The following CCSER1 variants were observed in gnomAD, a reference collection of about 807,000 sequenced individuals.
CCSER1 encodes the protein serine-rich coiled-coil domain-containing protein 1.
Under a neutral mutation model 82.0 loss-of-function variants are expected in CCSER1, and 41 were observed. That is an observed-to-expected ratio of 0.50 (90% CI 0.39 to 0.65). The LOEUF (loss-of-function observed/expected upper bound fraction) is 0.65, where lower values mean the gene tolerates loss of function less well. CCSER1 is among the 30% of genes least tolerant of loss of function. The probability of loss-of-function intolerance (pLI) is 0.00; values close to 1 mark genes in which losing one functional copy is unlikely to be tolerated. For missense variants in CCSER1, 1,119 were observed against 1,064.2 expected (o/e 1.05, Z -0.72); for synonymous variants, 414 against 383.9 (o/e 1.08, Z -0.92).
At position 90,346,433 on chromosome 4, in the gene CCSER1, A is replaced by G. The variant is rs1372509010; in HGVS notation, c.1509+33386A>G. Among the ~76,000 whole-genome samples the G allele has an allele frequency of 3.3e-5, 5 of 151,958 alleles. No homozygotes were observed. In the East Asian group the frequency reaches 7.7e-4, roughly 23 times the overall value. On this transcript the variant is annotated intron_variant, in intron 3 of 10. Coordinates refer to ENST00000509176, the MANE Select transcript of CCSER1 (RefSeq NM_001145065.2). The stretch of plus-strand genomic sequence containing the variant: ...CTTTATATAATTATGTGATATTTCA[A>G]TTATAGCTAGATTGTCAGTGAAAGC...
At chr4:91,165,309 A>G (rs1731918814) in intron 10 of CCSER1, among the ~76,000 whole-genome samples, 1 of 152,112 alleles carries the variant, frequency 6.6e-6, no homozygotes, top group African/African-American at 2.4e-5. Context: ...CTGCTGCCTG[A>G]TCCTTCCTCT....
At chr4:91,440,323 G>A (rs926710215) in intron 10 of CCSER1, among the ~76,000 whole-genome samples, 17 of 151,996 alleles carry the variant, frequency 1.1e-4, no homozygotes, top group African/African-American at 1.7e-4. Flanking sequence ...ACTCAAAACC[G>A]CTCAACTACA....
intron 1 of CCSER1, among the ~76,000 whole-genome samples, chr4:90,187,672 C>G (rs997081498): frequency 6.6e-6 from 1 of 151,816 alleles, no homozygotes; most frequent in African/African-American, 2.4e-5. Flanking sequence ...TAAAAAATGT[C>G]ATTTATAATA....
intron 3 of CCSER1, among the ~76,000 whole-genome samples, chr4:90,328,184 C>T (rs1738575574): frequency 6.6e-6 from 1 of 152,002 alleles, no homozygotes; most frequent in Non-Finnish European, 1.5e-5. Context: ...ATAGGCACGA[C>T]AATCACAATA....
At chr4:90,555,105 A>G (rs1777961797) in intron 5 of CCSER1, among the ~76,000 whole-genome samples, 1 of 152,142 alleles carries the variant, frequency 6.6e-6, no homozygotes, top group South Asian at 2.1e-4. Flanking sequence ...TATGTTAAAC[A>G]TAAAATTCAT....
intron 10 of CCSER1, among the ~76,000 whole-genome samples, chr4:91,439,757 G>T (rs1754974289): frequency 6.6e-6 from 1 of 151,932 alleles, no homozygotes; most frequent in African/African-American, 2.4e-5. Context: ...CAAAATAAAA[G>T]GATGGAGGAA....
At chr4:90,387,870 T>C (rs1222216982) in intron 3 of CCSER1, among the ~76,000 whole-genome samples, 1 of 152,162 alleles carries the variant, frequency 6.6e-6, no homozygotes, top group Non-Finnish European at 1.5e-5. Context: ...TAATAAACCA[T>C]AACCAAAAAC....
intron 9 of CCSER1, among the ~76,000 whole-genome samples, chr4:91,060,473 A>G (rs1743865401): frequency 1.3e-5 from 2 of 152,026 alleles, no homozygotes; most frequent in Admixed American, 1.3e-4. Context: ...CAAAACTATG[A>G]GAATAAAAAT....
intron 4 of CCSER1, among the ~76,000 whole-genome samples, chr4:90,441,828 TA>T (rs749878865): frequency 6.6e-6 from 1 of 152,250 alleles, no homozygotes; most frequent in Non-Finnish European, 1.5e-5. Context: ...TGAATGATTA[TA>T]GATGTGATAT....
rs1743160528 is a variant in CCSER1 at position 90,350,121 on chromosome 4, A to C, written c.1509+37074A>C. On this transcript the variant is annotated intron_variant, in intron 3 of 10. Coordinates refer to ENST00000509176, the MANE Select transcript of CCSER1 (RefSeq NM_001145065.2). ...TTATTGAATTAATAAGTCATGAACAAGTAAGTAAATGTATCAAAAATACAT... is the reference window on the plus strand; with the variant it reads ...TTATTGAATTAATAAGTCATGAACACGTAAGTAAATGTATCAAAAATACAT... 2.0e-5 allele frequency among the ~76,000 whole-genome samples: 3 copies of C among 152,300 alleles called. No homozygotes were observed. The South Asian group carries it at 6.2e-4, about 32-fold the overall frequency.
At chr4:90,183,813 C>T (rs1734127997) in intron 1 of CCSER1, among the ~76,000 whole-genome samples, 1 of 151,962 alleles carries the variant, frequency 6.6e-6, no homozygotes, top group Admixed American at 6.6e-5. Flanking sequence ...AGGATATTTT[C>T]CCAAATATTT....
intron 10 of CCSER1, among the ~76,000 whole-genome samples, chr4:91,456,975 T>C (rs1756214969): frequency 6.6e-6 from 1 of 152,156 alleles, no homozygotes; most frequent in South Asian, 2.1e-4. Context: ...ATCCCTGTGC[T>C]AAAATTAAAA....
intron 10 of CCSER1, among the ~76,000 whole-genome samples, chr4:91,558,501 C>T (rs1233678607): frequency 6.6e-6 from 1 of 151,582 alleles, no homozygotes; most frequent in African/African-American, 2.4e-5. Flanking sequence ...AATCACAATA[C>T]ATACTTTGAG....
intron 8 of CCSER1, among the ~76,000 whole-genome samples, chr4:90,902,136 A>AT (rs368200834): frequency 1.4e-4 from 21 of 149,130 alleles, no homozygotes; most frequent in East Asian, 8.1e-4. Context: ...TATAAGTTCT[A>AT]TTTTTTTTAT....
At chr4:91,380,289 T>A (rs1260188199) in intron 10 of CCSER1, among the ~76,000 whole-genome samples, 5 of 152,164 alleles carry the variant, frequency 3.3e-5, no homozygotes, top group Admixed American at 2.6e-4. Context: ...TGACTTCAAT[T>A]CCTGAATATC....
At chr4:90,347,679 C>A (rs1742625806) in intron 3 of CCSER1, among the ~76,000 whole-genome samples, 1 of 152,020 alleles carries the variant, frequency 6.6e-6, no homozygotes, top group African/African-American at 2.4e-5. Flanking sequence ...ATCAGAGGCC[C>A]AGTTGAGGCC....
intron 8 of CCSER1, among the ~76,000 whole-genome samples, chr4:90,895,559 A>G (rs1723582299): frequency 6.6e-6 from 1 of 151,966 alleles, no homozygotes; most frequent in African/African-American, 2.4e-5. Flanking sequence ...CAGGAATCAA[A>G]CTAGTTTTAC....
intron 1 of CCSER1, among the ~76,000 whole-genome samples, chr4:90,257,561 A>T (rs927696854): frequency 1.4e-5 from 2 of 144,908 alleles, no homozygotes; most frequent in Admixed American, 6.7e-5. Context: ...AGATAGATAG[A>T]TACATAGATA....
intron 6 of CCSER1, among the ~76,000 whole-genome samples, chr4:90,640,534 A>G (rs747471573): frequency 1.3e-5 from 2 of 152,164 alleles, no homozygotes; most frequent in Non-Finnish European, 2.9e-5. Context: ...AATCTAGCAT[A>G]GTGATCACAG....
Sources: allele counts gnomAD v4.1 joint callset (sites outside exome capture counted in the v4.1 genomes callset), GRCh38; gene constraint gnomAD v4.1.1; transcripts MANE v1.5; gene names NCBI Gene and HGNC (gene_info 2026-07-23, HGNC 2026-07-21).